CYYR1: variants seen among roughly 807,000 people sequenced by gnomAD.
CYYR1 encodes the protein cysteine and tyrosine-rich protein 1.
A neutral mutation model predicts 15.2 loss-of-function variants in CYYR1; 14 were observed. The observed-to-expected ratio is 0.92, with a 90% CI of 0.61 to 1.44. CYYR1 has a LOEUF of 1.44. Among genes scored for constraint, CYYR1 ranks in the 40% most tolerant of loss-of-function variants. The pLI is 0.00. For synonymous variants in CYYR1, 80 were observed against 77.4 expected (o/e 1.03, Z -0.18); for missense variants, 228 against 209.5 (o/e 1.09, Z -0.54).
chr21:26,492,276 G>A (rs2065339238), intron 2 of CYYR1, among the ~76,000 whole-genome samples: 2 of 152,304 alleles, frequency 1.3e-5, no homozygotes, highest in African/African-American at 4.8e-5. Flanking sequence ...GAGAAGGAAC[G>A]TGATTGGCGT....
rs2064987321 is a variant in CYYR1, at chr21:26,467,847, A to G, written c.*654T>C. 1 of 153,992 alleles carries G rather than the reference A, an allele frequency of 6.5e-6. No homozygotes were observed. The highest frequency in any genetic ancestry group is 1.4e-5 in the Non-Finnish European group (1 of 69,218). The allele number at this position is 153,992 out of a possible 1,614,324, so 9.5% of individuals were successfully genotyped here. On this transcript the variant is annotated 3_prime_UTR_variant, in exon 4 of 4. Coordinates refer to ENST00000652641, the MANE Select transcript of CYYR1 (RefSeq NM_001320768.2). ...TCACTTCACACCCACCTAAAATACGAGCAGAACTTCTGAGGCCCAATGAAC... is the reference window on the plus strand; with the variant it reads ...TCACTTCACACCCACCTAAAATACGGGCAGAACTTCTGAGGCCCAATGAAC...
At chr21:26,472,641 G>A (rs979001622) in intron 3 of CYYR1, among the ~76,000 whole-genome samples, 1 of 151,768 alleles carries the variant, frequency 6.6e-6, no homozygotes, top group Non-Finnish European at 1.5e-5. Context: ...TTCTAAATGA[G>A]GATCTTAATT....
intron 2 of CYYR1, among the ~76,000 whole-genome samples, chr21:26,540,874 C>T (rs1251668347): frequency 2.6e-5 from 4 of 152,066 alleles, no homozygotes; most frequent in Non-Finnish European, 5.9e-5. Context: ...TATAACTATG[C>T]TCAAGGGTAG....
intron 3 of CYYR1, chr21:26,470,540 C>A (rs1391817549): frequency 6.6e-6 from 1 of 152,168 alleles, no homozygotes; most frequent in Non-Finnish European, 1.5e-5. Context: ...TTCTTTCTGT[C>A]TTGTGCTGGC....
chr21:26,503,332 A>G (rs1326073829), intron 2 of CYYR1, among the ~76,000 whole-genome samples: 3 of 152,216 alleles, frequency 2.0e-5, no homozygotes, highest in Non-Finnish European at 4.4e-5. Flanking sequence ...GAGGTATATG[A>G]TCAAAATTAA....
chr21:26,471,609 C>T (rs942816126), intron 3 of CYYR1: 1 of 152,110 alleles, frequency 6.6e-6, no homozygotes, highest in Non-Finnish European at 1.5e-5. Flanking sequence ...ATAATATCAG[C>T]CACTGGAAGA....
Position 26,469,708 on chromosome 21 carries a change from C to A in CYYR1, c.335-1074G>T, listed in dbSNP as rs192549936. Among the ~76,000 whole-genome samples the A allele has an allele frequency of 1.6e-4, 24 of 152,262 alleles. No individual in the cohort carries two copies. The East Asian group carries it at 4.4e-3, about 28-fold the overall frequency. ...TATAGTCATCCAGTGGTATAGAACA[C>A]TGGAACTTATTCCTCCTATCTAGCT... On this transcript the variant is annotated intron_variant, in intron 3 of 3. Coordinates refer to ENST00000652641, the MANE Select transcript of CYYR1 (RefSeq NM_001320768.2).
At chr21:26,506,062 G>A (rs1316888041) in intron 2 of CYYR1, among the ~76,000 whole-genome samples, 1 of 152,082 alleles carries the variant, frequency 6.6e-6, no homozygotes, top group East Asian at 1.9e-4. Context: ...CATATAGCAT[G>A]CATCCGTCAT....
At chr21:26,561,123 A>G (rs907207581) in intron 2 of CYYR1, among the ~76,000 whole-genome samples, 1 of 152,188 alleles carries the variant, frequency 6.6e-6, no homozygotes, top group Non-Finnish European at 1.5e-5. Context: ...TCCTTCTTAT[A>G]GCAAACATAA....
At chr21:26,562,644 C>T (rs978764349) in intron 2 of CYYR1, among the ~76,000 whole-genome samples, 2 of 151,998 alleles carry the variant, frequency 1.3e-5, no homozygotes, top group Non-Finnish European at 2.9e-5. Context: ...CCTTTCTTCA[C>T]TATTTATGTA....
At chr21:26,532,136 G>A (rs1430398782) in intron 2 of CYYR1, among the ~76,000 whole-genome samples, 1 of 152,082 alleles carries the variant, frequency 6.6e-6, no homozygotes, top group Non-Finnish European at 1.5e-5. Flanking sequence ...AGCTGGAAGA[G>A]GTGAATATCA....
chr21:26,504,119 C>G (rs971570550), intron 2 of CYYR1, among the ~76,000 whole-genome samples: 1 of 152,124 alleles, frequency 6.6e-6, no homozygotes, highest in African/African-American at 2.4e-5. Context: ...AAGAATCCAG[C>G]ATATCTTAAC....
rs1380542883 is a variant in CYYR1 at position 26,480,311 on chromosome 21, G to A, written c.295C>T (p.Leu99Phe). 3.7e-6 allele frequency: 6 copies of A among 1,613,230 alleles called. No homozygotes were observed. Among genetic ancestry groups the A allele is most frequent in the Non-Finnish European group, 5.1e-6 (6 of 1,179,620 alleles). ...ACGGTGTTGATGTGAGTCGTCCTGA[G>A]GATGCCCACGCGGGTCGCCCTGTGG... ...KNHRATRVGI[L>F]RTTHINTVSS... Residue 99 changes from leucine (L) to phenylalanine (F), a missense_variant, in exon 3 of 4, where the codon CTC becomes TTC. Physicochemically the swap from Leu to Phe is conservative, Grantham distance 22. Coordinates refer to ENST00000652641, the MANE Select transcript of CYYR1 (RefSeq NM_001320768.2).
chr21:26,542,655 A>T (rs1978656095), intron 2 of CYYR1, among the ~76,000 whole-genome samples: 1 of 152,188 alleles, frequency 6.6e-6, no homozygotes, highest in African/African-American at 2.4e-5. Context: ...ACCAAAAAGA[A>T]TTAAAAGGCA....
At chr21:26,515,687 T>G (rs975226081) in intron 2 of CYYR1, among the ~76,000 whole-genome samples, 9 of 152,196 alleles carry the variant, frequency 5.9e-5, no homozygotes, top group African/African-American at 2.2e-4. Context: ...GGTTCTATGC[T>G]TGATCTGAAA....
chr21:26,561,448 A>C (rs1980195415), intron 2 of CYYR1, among the ~76,000 whole-genome samples: 1 of 152,218 alleles, frequency 6.6e-6, no homozygotes, highest in Non-Finnish European at 1.5e-5. Context: ...ACTCGAAAAT[A>C]TGAAACCTTT....
intron 2 of CYYR1, among the ~76,000 whole-genome samples, chr21:26,523,045 G>C (rs1389245446): frequency 6.6e-6 from 1 of 152,144 alleles, no homozygotes; most frequent in Non-Finnish European, 1.5e-5. Context: ...ATAGAGGAAA[G>C]ATATAATCTG....
At chr21:26,471,885 G>T (rs2065038143) in intron 3 of CYYR1, among the ~76,000 whole-genome samples, 1 of 152,066 alleles carries the variant, frequency 6.6e-6, no homozygotes, top group African/African-American at 2.4e-5. Context: ...CTCAACATCT[G>T]ATACAGCTGT....
At chr21:26,476,554 C>T (rs1179421857) in intron 3 of CYYR1, among the ~76,000 whole-genome samples, 1 of 151,350 alleles carries the variant, frequency 6.6e-6, no homozygotes, top group Non-Finnish European at 1.5e-5. Context: ...AGCCCCATTC[C>T]CCTCTCCAAT....
Sources: allele counts gnomAD v4.1 joint callset (sites outside exome capture counted in the v4.1 genomes callset), GRCh38; gene constraint gnomAD v4.1.1; transcripts MANE v1.5; gene names NCBI Gene and HGNC (gene_info 2026-07-23, HGNC 2026-07-21).